Variants in GRIK1 observed in about 807,000 individuals in gnomAD.
The protein encoded by GRIK1 is glutamate ionotropic receptor kainate type subunit 1.
A neutral mutation model predicts 105.7 loss-of-function variants in GRIK1; 69 were observed. The ratio of observed to expected loss-of-function variants is 0.65; its 90% CI spans 0.54 to 0.80. GRIK1 has a LOEUF of 0.80. GRIK1 is among the 30% of genes least tolerant of loss of function. The pLI, the probability that GRIK1 is intolerant of heterozygous loss-of-function variation, is 0.00. For synonymous variants in GRIK1, 438 were observed against 431.3 expected (o/e 1.02, Z -0.19); for missense variants, 1,109 against 1,167.3 (o/e 0.95, Z 0.73).
intron 3 of GRIK1, among the ~76,000 whole-genome samples, chr21:29,678,617 A>T (rs1156921490): frequency 6.6e-6 from 1 of 152,188 alleles, no homozygotes; most frequent in Non-Finnish European, 1.5e-5. Context: ...GGTGGGAGAT[A>T]TGAAGGGTAG....
chr21:29,730,540 T>C (rs1209132594), intron 1 of GRIK1, among the ~76,000 whole-genome samples: 1 of 152,230 alleles, frequency 6.6e-6, no homozygotes. Context: ...AAGGGAAATT[T>C]CATCTGCTCA....
intron 7 of GRIK1, chr21:29,630,539 G>C (rs185675946): frequency 2.1e-6 from 1 of 471,646 alleles, no homozygotes; most frequent in East Asian, 6.9e-5. Context: ...TGGTCTTAAG[G>C]GAACAAGCTG....
intron 6 of GRIK1, among the ~76,000 whole-genome samples, chr21:29,645,829 G>A (rs1311854870): frequency 1.3e-5 from 2 of 152,166 alleles, no homozygotes; most frequent in East Asian, 3.9e-4. Context: ...AAGCCTGGAT[G>A]AAATCACATT....
intron 6 of GRIK1, among the ~76,000 whole-genome samples, chr21:29,646,683 C>T (rs911459533): frequency 3.9e-5 from 6 of 152,066 alleles, no homozygotes; most frequent in African/African-American, 1.4e-4. Flanking sequence ...GATTGGGGTG[C>T]TGAAGAGAGA....
At chr21:29,650,061 GC>G (rs1274383588) in intron 6 of GRIK1, among the ~76,000 whole-genome samples, 2 of 152,120 alleles carry the variant, frequency 1.3e-5, no homozygotes, top group Non-Finnish European at 2.9e-5. Flanking sequence ...TCATCCCAGG[GC>G]TCATTTGTAC....
chr21:29,768,761 AG>A (rs1426014381), intron 1 of GRIK1, among the ~76,000 whole-genome samples: 1 of 152,156 alleles, frequency 6.6e-6, no homozygotes, highest in Non-Finnish European at 1.5e-5. Flanking sequence ...ACCAGATTTG[AG>A]CTCGTTCTGT....
intron 1 of GRIK1, among the ~76,000 whole-genome samples, chr21:29,697,480 T>G (rs1427530812): frequency 6.6e-6 from 1 of 152,214 alleles, no homozygotes; most frequent in Non-Finnish European, 1.5e-5. Context: ...GAGCAATTTT[T>G]TTTTCATTTT....
chr21:29,690,264 T>G (rs2063561848), intron 2 of GRIK1, among the ~76,000 whole-genome samples: 1 of 152,172 alleles, frequency 6.6e-6, no homozygotes, highest in South Asian at 2.1e-4. Flanking sequence ...TTACCTTTAA[T>G]CAGATGGAGT....
At chr21:29,675,014 C>G (rs1454466205) in intron 3 of GRIK1, among the ~76,000 whole-genome samples, 1 of 152,144 alleles carries the variant, frequency 6.6e-6, no homozygotes, top group East Asian at 1.9e-4. Flanking sequence ...AAAAATGAAA[C>G]AAAATATAGA....
intron 5 of GRIK1, among the ~76,000 whole-genome samples, chr21:29,651,936 T>G (rs1050270866): frequency 6.6e-6 from 1 of 152,160 alleles, no homozygotes; most frequent in Non-Finnish European, 1.5e-5. Flanking sequence ...TTCATTAACA[T>G]GCTGCCCTAA....
chr21:29,546,793 T>C (rs981548482), intron 16 of GRIK1, among the ~76,000 whole-genome samples: 2 of 152,250 alleles, frequency 1.3e-5, no homozygotes, highest in African/African-American at 4.8e-5. Context: ...GATTTTTCTC[T>C]GTGCTACAAA....
At chr21:29,822,735 G>C (rs1215961111) in intron 1 of GRIK1, among the ~76,000 whole-genome samples, 5 of 151,996 alleles carry the variant, frequency 3.3e-5, no homozygotes, top group Non-Finnish European at 7.4e-5. Context: ...CAATACAGCA[G>C]AGAGATCAAA....
chr21:29,712,705 A>T (rs2064086186), intron 1 of GRIK1, among the ~76,000 whole-genome samples: 1 of 152,096 alleles, frequency 6.6e-6, no homozygotes, highest in Non-Finnish European at 1.5e-5. Context: ...TGCCTTGCCC[A>T]TTTTGAATAT....
At chr21:29,787,195 T>C (rs1467571800) in intron 1 of GRIK1, among the ~76,000 whole-genome samples, 4 of 152,238 alleles carry the variant, frequency 2.6e-5, no homozygotes, top group Non-Finnish European at 5.9e-5. Context: ...CCTGGGAACA[T>C]GACAGGTGCA....
chr21:29,598,789 G>T, intron 8 of GRIK1, 41 bp downstream of exon 8: 1 of 905,084 alleles, frequency 1.1e-6, no homozygotes. Context: ...CCTGAACAAT[G>T]TTCATTTGTT....
chr21:29,846,152 A>T (rs2068104850), intron 1 of GRIK1, among the ~76,000 whole-genome samples: 1 of 152,112 alleles, frequency 6.6e-6, no homozygotes, highest in Non-Finnish European at 1.5e-5. Flanking sequence ...GAACTTTGGG[A>T]GGTCGAGAGG....
At chr21:29,633,496 CTAAAA>C (rs1018347219) in intron 7 of GRIK1, among the ~76,000 whole-genome samples, 6 of 151,086 alleles carry the variant, frequency 4.0e-5, no homozygotes, top group East Asian at 1.9e-4. Flanking sequence ...GACTCTGTCT[CTAAAA>C]TAAAATAAAA....
intron 1 of GRIK1, among the ~76,000 whole-genome samples, chr21:29,758,415 A>C (rs559395696): frequency 2.0e-5 from 3 of 151,752 alleles, no homozygotes; most frequent in Non-Finnish European, 4.4e-5. Flanking sequence ...GTATAGAGGA[A>C]CTCCCCTTTA....
At chr21:29,786,084 GT>G (rs1051115070) in intron 1 of GRIK1, among the ~76,000 whole-genome samples, 53 of 152,212 alleles carry the variant, frequency 3.5e-4, no homozygotes, top group African/African-American at 1.2e-3. Flanking sequence ...GACTCTCTGG[GT>G]TCAAGCGATT....
Sources: allele counts gnomAD v4.1 joint callset (sites outside exome capture counted in the v4.1 genomes callset), GRCh38; gene constraint gnomAD v4.1.1; transcripts MANE v1.5; gene names NCBI Gene and HGNC (gene_info 2026-07-23, HGNC 2026-07-21).